Variants in KRCC1 observed in about 807,000 individuals in gnomAD.
The protein encoded by KRCC1 is lysine-rich coiled-coil protein 1.
In KRCC1, 3 loss-of-function variants were observed where a neutral mutation model predicts 7.4. The ratio of observed to expected loss-of-function variants is 0.40; its 90% CI spans 0.18 to 1.04. The LOEUF (loss-of-function observed/expected upper bound fraction) is 1.04, where lower values mean the gene tolerates loss of function less well. Among genes scored for constraint, KRCC1 ranks in the 50% least tolerant of loss-of-function variants. The pLI, the probability that KRCC1 is intolerant of heterozygous loss-of-function variation, is 0.33. For synonymous variants in KRCC1, 102 were observed against 101.6 expected (o/e 1.00, Z -0.02); for missense variants, 277 against 300.9 (o/e 0.92, Z 0.59).
intron 3 of KRCC1, among the ~76,000 whole-genome samples, chr2:88,031,950 C>T (rs1306454746): frequency 1.3e-5 from 2 of 151,836 alleles, no homozygotes; most frequent in Admixed American, 6.6e-5. Flanking sequence ...GGAGACCAGC[C>T]TGGCCGACAT....
chr2:88,047,951 T>C (rs1673378946), intron 1 of KRCC1, among the ~76,000 whole-genome samples: 1 of 152,236 alleles, frequency 6.6e-6, no homozygotes, highest in Admixed American at 6.5e-5. Flanking sequence ...TCTTCCTCTC[T>C]AATAAATACA....
rs1672911824 is a variant in KRCC1 at position 88,028,092 on chromosome 2, G to C, written c.472C>G (p.Gln158Glu). 1 of 1,613,944 alleles carries C rather than the reference G, an allele frequency of 6.2e-7. No homozygotes were observed. The highest frequency in any genetic ancestry group is 2.2e-5 in the East Asian group (1 of 44,874). Residue 158 changes from glutamine to glutamate, a missense_variant, in exon 4 of 4, where the codon CAG becomes GAG. Gln to Glu is a conservative substitution (Grantham distance 29). Coordinates refer to ENST00000347055, the MANE Select transcript of KRCC1 (RefSeq NM_016618.3). The part of the protein sequence containing the change: ...THQASHKQIH[Q>E]KRKRHPEEGR... ...TCCTCTGGGTGCCTTTTCCTCTTCTGATGTATCTGTTTGTGACTGGCTTGA... is the reference window on the plus strand; with the variant it reads ...TCCTCTGGGTGCCTTTTCCTCTTCTCATGTATCTGTTTGTGACTGGCTTGA...
At chr2:88,035,208 T>C (rs1027302344) in intron 2 of KRCC1, among the ~76,000 whole-genome samples, 2 of 152,222 alleles carry the variant, frequency 1.3e-5, no homozygotes, top group Non-Finnish European at 2.9e-5. Flanking sequence ...TGTTTCTGTT[T>C]GTGACAGAGA....
intron 3 of KRCC1, 77 bp from the exon 4 acceptor site, chr2:88,028,662 T>C: frequency 1.2e-6 from 1 of 820,182 alleles, no homozygotes; most frequent in Non-Finnish European, 1.8e-6. Context: ...TTTTTTTTTT[T>C]TTCTTGAGAT....
At chr2:88,053,090 A>G (rs1347821790) in intron 1 of KRCC1, among the ~76,000 whole-genome samples, 1 of 151,642 alleles carries the variant, frequency 6.6e-6, no homozygotes, top group East Asian at 1.9e-4. Flanking sequence ...ACAACCTAAA[A>G]TATCTCCGCA....
At chr2:88,051,493 TC>T in intron 1 of KRCC1, among the ~76,000 whole-genome samples, 1 of 152,348 alleles carries the variant, frequency 6.6e-6, no homozygotes, top group South Asian at 2.1e-4. Flanking sequence ...GGCAATTAAC[TC>T]TTATACATAC....
chr2:88,043,919 C>T (rs1169383861), intron 1 of KRCC1, among the ~76,000 whole-genome samples: 1 of 152,190 alleles, frequency 6.6e-6, no homozygotes, highest in African/African-American at 2.4e-5. Context: ...AGGTGATCCA[C>T]CCACCTCAGC....
At chr2:88,055,256 G>C (rs1383883534) in intron 1 of KRCC1, among the ~76,000 whole-genome samples, 1 of 151,946 alleles carries the variant, frequency 6.6e-6, no homozygotes, top group East Asian at 1.9e-4. Flanking sequence ...CCACGTTTGG[G>C]CTTTTCTCTA....
chr2:88,033,669 T>C (rs1673038933), intron 3 of KRCC1, among the ~76,000 whole-genome samples: 1 of 152,234 alleles, frequency 6.6e-6, no homozygotes, highest in Non-Finnish European at 1.5e-5. Flanking sequence ...TTACTTTACA[T>C]CTACTAGGAG....
chr2:88,053,714 C>T (rs1028237840), intron 1 of KRCC1, among the ~76,000 whole-genome samples: 5 of 152,116 alleles, frequency 3.3e-5, no homozygotes, highest in African/African-American at 1.2e-4. Flanking sequence ...TTTACTCCTC[C>T]GCCAGTTCTC....
At chr2:88,055,389 C>G (rs555328037) in intron 1 of KRCC1, among the ~76,000 whole-genome samples, 1 of 152,254 alleles carries the variant, frequency 6.6e-6, no homozygotes, top group South Asian at 2.1e-4. Context: ...CCACTCCGAC[C>G]TCGGCTTCCT....
chr2:88,032,208 T>C (rs1448598300), intron 3 of KRCC1, among the ~76,000 whole-genome samples: 1 of 152,082 alleles, frequency 6.6e-6, no homozygotes, highest in African/African-American at 2.4e-5. Flanking sequence ...TCTACAGCAG[T>C]GTACAGTAAT....
chr2:88,030,291 T>C (rs192255867), intron 3 of KRCC1, among the ~76,000 whole-genome samples: 16 of 150,138 alleles, frequency 1.1e-4, no homozygotes, highest in Non-Finnish European at 1.5e-5. Context: ...ACATGGGATA[T>C]ACTCCCTCCT....
At chr2:88,052,301 G>C (rs1673507887) in intron 1 of KRCC1, among the ~76,000 whole-genome samples, 1 of 152,180 alleles carries the variant, frequency 6.6e-6, no homozygotes, top group South Asian at 2.1e-4. Context: ...AAACTGCAGA[G>C]ACTGAGAGTT....
chr2:88,037,831 A>G (rs1411581443), intron 1 of KRCC1, among the ~76,000 whole-genome samples: 1 of 152,240 alleles, frequency 6.6e-6, no homozygotes, highest in Non-Finnish European at 1.5e-5. Flanking sequence ...TTCACATATT[A>G]GCTTCTACAA....
chr2:88,034,477 T>C (rs1039136900), intron 2 of KRCC1, among the ~76,000 whole-genome samples, 185 bp from the exon 3 acceptor site: 1 of 152,150 alleles, frequency 6.6e-6, no homozygotes, highest in Non-Finnish European at 1.5e-5. Flanking sequence ...TATAACAATA[T>C]ATTTTATATA....
intron 3 of KRCC1, among the ~76,000 whole-genome samples, chr2:88,029,852 A>T (rs1433416231): frequency 2.9e-4 from 8 of 27,196 alleles, no homozygotes; most frequent in Non-Finnish European, 6.1e-4. Flanking sequence ...ATATATATAT[A>T]TATTTTTTTT....
At position 88,028,321 on chromosome 2, in the gene KRCC1, C is replaced by A; in HGVS notation, c.243G>T (p.Val81=). The A allele has an allele frequency of 6.2e-7, 1 of 1,614,150 alleles. No individual in the cohort carries two copies. The highest frequency in any genetic ancestry group is 2.2e-5 in the East Asian group (1 of 44,878). The change falls in exon 4 of 4, where the codon GTG becomes GTT. Residue 81 remains valine, a synonymous_variant. Coordinates refer to ENST00000347055, the MANE Select transcript of KRCC1 (RefSeq NM_016618.3). ...GTAACCACTGAGGCAACCGATTTTC[C>A]ACTGTTTGTGGAATATTGCATGATC... The part of the protein sequence containing the change: ...YPRSCNIPQT[V]ENRLPQWLPA...
intron 1 of KRCC1, among the ~76,000 whole-genome samples, chr2:88,040,968 A>G (rs1673198994): frequency 6.6e-6 from 1 of 152,240 alleles, no homozygotes; most frequent in South Asian, 2.1e-4. Context: ...ATAAAACAAG[A>G]CATGCATAAA....
Sources: allele counts gnomAD v4.1 joint callset (sites outside exome capture counted in the v4.1 genomes callset), GRCh38; gene constraint gnomAD v4.1.1; transcripts MANE v1.5; gene names NCBI Gene and HGNC (gene_info 2026-07-23, HGNC 2026-07-21).